The following GBP4 variants were observed in gnomAD, a reference collection of about 807,000 sequenced individuals.
GBP4 encodes the protein guanylate-binding protein 4.
A neutral mutation model predicts 62.2 loss-of-function variants in GBP4; 69 were observed. That is an observed-to-expected ratio of 1.11 (90% confidence interval 0.91 to 1.36). The LOEUF (loss-of-function observed/expected upper bound fraction) is 1.36, where lower values mean the gene tolerates loss of function less well. Among genes scored for constraint, GBP4 ranks in the 40% most tolerant of loss-of-function variants. GBP4 has a pLI of 0.00. For synonymous variants in GBP4, 278 were observed against 274.6 expected (o/e 1.01, Z -0.12); for missense variants, 697 against 759.3 (o/e 0.92, Z 0.96).
intron 3 of GBP4, among the ~76,000 whole-genome samples, chr1:89,193,978 C>T (rs1184230371): frequency 6.6e-6 from 1 of 152,098 alleles, no homozygotes; most frequent in African/African-American, 2.4e-5. Context: ...GGGGGAGGCA[C>T]ATAAATGTGA....
At position 89,188,609 on chromosome 1, in the gene GBP4, A is replaced by T. The variant is rs200202053; in HGVS notation, c.1383T>A (p.Tyr461Ter). ...LEEKKQVEWD[Y>*]KLVPRKGVKA... ...TAACTCCTTTTCTGGGCACTAGCTT[A>T]TAGTCCCACTCAACCTGTTTCTTTT... The change falls in exon 8 of 11, where the codon TAT (tyrosine) becomes TAA (stop). Residue 461 changes from tyrosine to a stop codon, truncating the protein, a stop_gained. Transcript: ENST00000355754. LOFTEE classifies it high-confidence loss of function. 7 of 1,613,914 alleles carry T rather than the reference A, an allele frequency of 4.3e-6. No homozygotes were observed. In the South Asian group the frequency reaches 7.7e-5, roughly 18 times the overall value.
At position 89,193,397 on chromosome 1, in the gene GBP4, C is replaced by G; in HGVS notation, c.379G>C (p.Asp127His). The change falls in exon 4 of 11, where the codon GAC becomes CAC. Residue 127 changes from aspartate to histidine, a missense_variant. Around this residue, in one of 2 missense-constraint regions of GBP4, gnomAD observed 556 missense variants for 562.7 expected, o/e 0.99. Transcript: ENST00000355754. ...GDVEKSNPKNDSWIFALAVLL... is the reference protein window; with the variant it reads ...GDVEKSNPKNHSWIFALAVLL... Reference sequence around the variant, plus strand: ...ACAGCCAGGGCAAAGATCCACGAGTCATTCTTAGGGTTACTCTAGAAAGCA... The same window carrying G: ...ACAGCCAGGGCAAAGATCCACGAGTGATTCTTAGGGTTACTCTAGAAAGCA... 1.2e-6 allele frequency: 2 copies of G among 1,614,016 alleles called. No homozygotes were observed. The highest frequency in any genetic ancestry group is 1.7e-6 in the Non-Finnish European group (2 of 1,179,882).
intron 6 of GBP4, 76 bp downstream of exon 6, chr1:89,191,185 A>G: frequency 6.6e-7 from 1 of 1,517,060 alleles, no homozygotes; most frequent in Non-Finnish European, 9.0e-7. Context: ...AATATTATTG[A>G]AAAACTTGCA....
At position 89,190,265 on chromosome 1, in the gene GBP4, G is replaced by A; in HGVS notation, c.970C>T (p.Pro324Ser). 1.9e-6 allele frequency: 3 copies of A among 1,614,070 alleles called. No individual in the cohort carries two copies. The highest frequency in any genetic ancestry group is 2.5e-6 in the Non-Finnish European group (3 of 1,179,982). The change falls in exon 7 of 11, where the codon CCT (proline) becomes TCT (serine). Residue 324 changes from proline (P) to serine (S), a missense_variant. Around this residue, in one of 2 missense-constraint regions of GBP4, gnomAD observed 556 missense variants for 562.7 expected, o/e 0.99. Transcript: ENST00000355754. The part of the protein sequence containing the change: ...YVDAINSGAV[P>S]CLENAVTALA... ...GCTGTCACTGCATTCTCCAGACAAGGTACTGCTCCACTGTTGATGGCATCT... is the reference window on the plus strand; with the variant it reads ...GCTGTCACTGCATTCTCCAGACAAGATACTGCTCCACTGTTGATGGCATCT...
Position 89,193,393 on chromosome 1 carries a change from G to T in GBP4, c.383C>A (p.Ser128Ter). 1 of 1,614,044 alleles carries T rather than the reference G, an allele frequency of 6.2e-7. No individual in the cohort carries two copies. Among genetic ancestry groups the T allele is most frequent in the Non-Finnish European group, 8.5e-7 (1 of 1,179,930 alleles). ...AAGCACAGCCAGGGCAAAGATCCAC[G>T]AGTCATTCTTAGGGTTACTCTAGAA... ...DVEKSNPKND[S>*]WIFALAVLLS... Residue 128 changes from serine to a stop codon, truncating the protein, a stop_gained, in exon 4 of 11, where the codon TCG (serine) becomes TAG (stop). Transcript: ENST00000355754. LOFTEE classifies it high-confidence loss of function.
chr1:89,198,392 A>G (rs1648403759), intron 1 of GBP4, among the ~76,000 whole-genome samples: 1 of 152,090 alleles, frequency 6.6e-6, no homozygotes. Context: ...GGGAGAGTCA[A>G]CTCAGGTTAA....
chr1:89,191,566 G>A (rs1648190037), intron 5 of GBP4, 60 bp from the exon 6 acceptor site: 2 of 1,555,388 alleles, frequency 1.3e-6, no homozygotes, highest in East Asian at 2.3e-5. Flanking sequence ...AGGGGGCTGA[G>A]GACTTTTCCA....
rs372003146 is a variant in GBP4, at chr1:89,197,116, G to A, written c.229C>T (p.Arg77Cys). 1.1e-5 allele frequency: 18 copies of A among 1,611,252 alleles called. No individual in the cohort carries two copies. The highest frequency in any genetic ancestry group is 8.8e-5 in the South Asian group (8 of 90,714). Reference protein sequence around the residue: ...SYLMNRLAGKRNGFPLGSTVQ... With the variant: ...SYLMNRLAGKCNGFPLGSTVQ... ...GTCCTAGGACCACACTCACCATTGCGCTTTCCTGCAAGACGATTCATGAGA... is the reference window on the plus strand; with the variant it reads ...GTCCTAGGACCACACTCACCATTGCACTTTCCTGCAAGACGATTCATGAGA... Residue 77 changes from arginine to cysteine, a missense_variant, in exon 2 of 11, where the codon CGC becomes TGC. Transcript: ENST00000355754.
chr1:89,194,823 TG>T (rs1648286249), intron 3 of GBP4, among the ~76,000 whole-genome samples: 1 of 152,246 alleles, frequency 6.6e-6, no homozygotes, highest in Admixed American at 6.5e-5. Context: ...TATTTTTTCA[TG>T]GTCCCCTCCT....
Position 89,191,273 on chromosome 1 carries a change from C to A in GBP4, c.904G>T (p.Val302Phe), listed in dbSNP as rs1265004725. 12 of 1,612,342 alleles carry A rather than the reference C, an allele frequency of 7.4e-6. No individual in the cohort carries two copies. The highest frequency in any genetic ancestry group is 9.3e-6 in the Non-Finnish European group (11 of 1,178,406). ...AAAAAAGACTCACGCTTTCCAGTGACAATGATTCCCTCTCTCAGGGTCTTG... is the reference window on the plus strand; with the variant it reads ...AAAAAAGACTCACGCTTTCCAGTGAAAATGATTCCCTCTCTCAGGGTCTTG... ...KTKTLREGII[V>F]TGKRLGTLVV... The change falls in exon 6 of 11, where the codon GTC becomes TTC. Residue 302 changes from valine to phenylalanine, a missense_variant. Coordinates refer to ENST00000355754, the MANE Select transcript of GBP4 (RefSeq NM_052941.5).
Position 89,195,391 on chromosome 1 carries a change from G to C in GBP4, c.269C>G (p.Thr90Ser), listed in dbSNP as rs767679826. 1.9e-6 allele frequency: 3 copies of C among 1,614,012 alleles called. No homozygotes were observed. Among genetic ancestry groups the C allele is most frequent in the South Asian group, 2.2e-5 (2 of 91,074 alleles). The change falls in exon 3 of 11, where the codon ACT becomes AGT. Residue 90 changes from threonine (T) to serine (S), a missense_variant. This residue lies in a region of GBP4 where 556 missense variants were observed against 562.7 expected (regional missense o/e 0.99). Transcript: ENST00000355754. ...FPLGSTVQSE[T>S]KGIWMWCVPH... ...CACACACCACATCCAGATGCCCTTA[G>C]TTTCAGACTGCACCGTGGAGCCCAG... is the stretch of plus-strand genomic sequence containing the variant.
At chr1:89,186,023 C>T (rs1023296855) in intron 10 of GBP4, among the ~76,000 whole-genome samples, 23 of 152,242 alleles carry the variant, frequency 1.5e-4, no homozygotes, top group African/African-American at 4.6e-4. Flanking sequence ...TGCCAAAAAT[C>T]GCAAGGATTG....
intron 7 of GBP4, among the ~76,000 whole-genome samples, chr1:89,189,536 G>A (rs1648123519): frequency 6.6e-6 from 1 of 152,234 alleles, no homozygotes. Flanking sequence ...AGTTGACTTT[G>A]AGAAATGGAG....
chr1:89,198,882 G>A lies in GBP4; in HGVS notation c.-48C>T. ...ATCCTCGAGAAACGGACTGTTCTTA[G>A]AAGCTGAAAGTCCAGCCGGATTTAC... On this transcript the variant is annotated 5_prime_UTR_variant, in exon 1 of 11. Coordinates refer to ENST00000355754, the MANE Select transcript of GBP4 (RefSeq NM_052941.5). The A allele has an allele frequency of 1.3e-6, 2 of 1,571,634 alleles. No homozygotes were observed. The highest frequency in any genetic ancestry group is 1.8e-6 in the Non-Finnish European group (2 of 1,141,256).
At chr1:89,191,635 C>T in intron 5 of GBP4, 129 bp from the exon 6 acceptor site, 1 of 919,946 alleles carries the variant, frequency 1.1e-6, no homozygotes, top group Non-Finnish European at 1.6e-6. Flanking sequence ...TGCAATCATA[C>T]AAAACAGCCT....
chr1:89,194,386 C>T (rs897166435), intron 3 of GBP4, among the ~76,000 whole-genome samples: 5 of 151,746 alleles, frequency 3.3e-5, no homozygotes, highest in Non-Finnish European at 7.4e-5. Context: ...GCTTGACAAA[C>T]GTAATTAGAC....
At chr1:89,190,852 G>A (rs962541291) in intron 6 of GBP4, among the ~76,000 whole-genome samples, 4 of 152,058 alleles carry the variant, frequency 2.6e-5, no homozygotes, top group South Asian at 2.1e-4. Flanking sequence ...AGCTAGCCCC[G>A]TACTTAATAT....
chr1:89,191,692 C>G (rs745927500), intron 5 of GBP4, among the ~76,000 whole-genome samples, 186 bp from the exon 6 acceptor site: 1 of 152,012 alleles, frequency 6.6e-6, no homozygotes, highest in African/African-American at 2.4e-5. Flanking sequence ...TGTACAGGAG[C>G]GAGAGTCAGG....
chr1:89,188,846 G>A (rs1200362097), intron 7 of GBP4, 52 bp from the exon 8 acceptor site: 7 of 1,579,848 alleles, frequency 4.4e-6, no homozygotes, highest in Non-Finnish European at 6.1e-6. Flanking sequence ...AGAAGGGAAG[G>A]TCCAACTGTG....
Sources: gnomAD v4.1 joint callset for allele counts (sites outside exome capture counted in the v4.1 genomes callset) on GRCh38, gnomAD v4.1.1 for gene constraint, gnomAD v4.1.1 regional missense constraint, MANE v1.5 for transcripts, NCBI Gene and HGNC (gene_info 2026-07-23, HGNC 2026-07-21) for gene names.